Variants in FUT9 observed in about 807,000 individuals in gnomAD.
FUT9 encodes fucosyltransferase 9.
Under a neutral mutation model 29.7 loss-of-function variants are expected in FUT9, and 15 were observed. The observed-to-expected ratio is 0.51, with a 90% CI of 0.34 to 0.78. FUT9 has a LOEUF of 0.78. Among genes scored for constraint, FUT9 ranks in the 30% least tolerant of loss-of-function variants. The pLI is 0.01. For synonymous variants in FUT9, 169 were observed against 153.7 expected (o/e 1.10, Z -0.74); for missense variants, 319 against 425.4 (o/e 0.75, Z 2.20).
At chr6:96,074,021 C>A (rs1171376474) in intron 1 of FUT9, among the ~76,000 whole-genome samples, 6 of 152,060 alleles carry the variant, frequency 3.9e-5, no homozygotes, top group Admixed American at 3.3e-4. Context: ...TTAGGGCCTG[C>A]AATTAAAATA....
At chr6:96,132,508 C>T (rs189595968) in intron 2 of FUT9, among the ~76,000 whole-genome samples, 186 of 152,084 alleles carry the variant, frequency 1.2e-3, no homozygotes, top group Admixed American at 2.9e-3. Context: ...GTAGTAAGTA[C>T]ATAATATAGA....
At position 96,215,326 on chromosome 6, in the gene FUT9, A is replaced by C. The variant is rs2127994799; in HGVS notation, c.*11091A>C. 6.0e-6 allele frequency: 1 copy of C among 167,110 alleles called. No homozygotes were observed. Among genetic ancestry groups the C allele is most frequent in the African/African-American group, 2.4e-5 (1 of 41,568 alleles). The allele number at this position is 167,110 out of a possible 1,614,324, so 10.4% of individuals were successfully genotyped here. A position where few individuals can be genotyped will look rare whatever the true frequency, so the allele number is the denominator to read the frequency against. On this transcript the variant is annotated 3_prime_UTR_variant, in exon 3 of 3. Coordinates refer to ENST00000302103, the MANE Select transcript of FUT9 (RefSeq NM_006581.4). ...CATGGATGTCTTTCTAGGCTTATAA[A>C]TATATGGTGTGATTGCTATAATTTT...
chr6:96,146,806 C>G (rs564008167), intron 2 of FUT9, among the ~76,000 whole-genome samples: 1 of 152,148 alleles, frequency 6.6e-6, no homozygotes, highest in African/African-American at 2.4e-5. Context: ...CAGGAGCCAG[C>G]TGAATATGCT....
chr6:96,082,463 AT>A (rs1235330661), intron 1 of FUT9, among the ~76,000 whole-genome samples: 1 of 151,816 alleles, frequency 6.6e-6, no homozygotes, highest in Non-Finnish European at 1.5e-5. Flanking sequence ...GAGTGGGTCT[AT>A]TTTAAAACTA....
At chr6:96,141,936 C>G (rs1249436333) in intron 2 of FUT9, among the ~76,000 whole-genome samples, 1 of 152,184 alleles carries the variant, frequency 6.6e-6, no homozygotes, top group Non-Finnish European at 1.5e-5. Context: ...CTAATTTTAT[C>G]TCTTCTCCAT....
At chr6:96,093,612 A>G (rs1771449735) in intron 1 of FUT9, among the ~76,000 whole-genome samples, 1 of 152,152 alleles carries the variant, frequency 6.6e-6, no homozygotes, top group Non-Finnish European at 1.5e-5. Flanking sequence ...TATCCCTGCA[A>G]CAAAAATTAG....
intron 2 of FUT9, among the ~76,000 whole-genome samples, chr6:96,130,989 G>T (rs1772233303): frequency 1.3e-5 from 2 of 152,028 alleles, no homozygotes; most frequent in Non-Finnish European, 2.9e-5. Flanking sequence ...TTATAAGACG[G>T]GGTTAATAAT....
chr6:96,197,445 A>AG (rs34884902), intron 2 of FUT9, among the ~76,000 whole-genome samples: 138,829 of 152,118 alleles, frequency 0.91, 64,701 homozygotes, highest in Non-Finnish European at 1. Context: ...TCATGCCAAA[A>AG]GTAAATGGCA....
chr6:96,092,909 T>A lies in FUT9; in HGVS notation c.-97-21130T>A, dbSNP rs115792479. Among the ~76,000 whole-genome samples the A allele has an allele frequency of 4.9e-3, 741 of 152,096 alleles. 4 individuals are homozygous for A. The highest frequency in any genetic ancestry group is 0.017 in the African/African-American group (689 of 41,506). On this transcript the variant is annotated intron_variant, in intron 1 of 2. Transcript: ENST00000302103. ...CTGAGTAGTTAGGACTTCAGGTGCA[T>A]GCCACCATGCCTGGCTAATTAAAAA...
chr6:96,064,790 C>G (rs756993624), intron 1 of FUT9, among the ~76,000 whole-genome samples: 21 of 152,008 alleles, frequency 1.4e-4, no homozygotes, highest in Non-Finnish European at 2.6e-4. Flanking sequence ...CATACACACA[C>G]CATTCAATTT....
intron 2 of FUT9, among the ~76,000 whole-genome samples, chr6:96,177,955 C>G (rs887686316): frequency 1.3e-5 from 2 of 152,112 alleles, no homozygotes; most frequent in Middle Eastern, 3.2e-3. Flanking sequence ...AGAGCAGAAG[C>G]AGTCTTTGAT....
intron 2 of FUT9, among the ~76,000 whole-genome samples, chr6:96,184,395 G>T (rs1350958418): frequency 2.6e-5 from 4 of 151,818 alleles, no homozygotes; most frequent in African/African-American, 9.7e-5. Flanking sequence ...CAAAGAACCA[G>T]TTTTTTGTTT....
chr6:96,019,087 C>T (rs1770027375), intron 1 of FUT9, among the ~76,000 whole-genome samples: 1 of 151,816 alleles, frequency 6.6e-6, no homozygotes, highest in African/African-American at 2.4e-5. Flanking sequence ...GCCTTTTATT[C>T]CTTTTATTTA....
intron 2 of FUT9, among the ~76,000 whole-genome samples, chr6:96,160,865 CAAT>C (rs1772886990): frequency 6.6e-6 from 1 of 152,012 alleles, no homozygotes; most frequent in Non-Finnish European, 1.5e-5. Flanking sequence ...GTAGAAATAA[CAAT>C]AATGAGAAGG....
chr6:96,038,792 G>C (rs1191198723), intron 1 of FUT9, among the ~76,000 whole-genome samples: 1 of 151,938 alleles, frequency 6.6e-6, no homozygotes, highest in African/African-American at 2.4e-5. Context: ...TTTTTCACTG[G>C]TCCCCAGTTT....
At chr6:96,105,801 C>T (rs1238979175) in intron 1 of FUT9, among the ~76,000 whole-genome samples, 2 of 152,112 alleles carry the variant, frequency 1.3e-5, no homozygotes, top group Non-Finnish European at 2.9e-5. Flanking sequence ...CAACAAATTC[C>T]TCTAAAAATT....
intron 1 of FUT9, among the ~76,000 whole-genome samples, chr6:96,027,223 G>T (rs12524986): frequency 0.14 from 21,682 of 151,492 alleles, 1,960 homozygotes; most frequent in Admixed American, 0.26. Flanking sequence ...ATTGAAGAGA[G>T]CCTCACAAAA....
chr6:96,173,077 A>T (rs1192683449), intron 2 of FUT9, among the ~76,000 whole-genome samples: 1 of 152,140 alleles, frequency 6.6e-6, no homozygotes, highest in African/African-American at 2.4e-5. Flanking sequence ...GGAATAGTAC[A>T]TGAGTAATTA....
intron 2 of FUT9, among the ~76,000 whole-genome samples, chr6:96,189,823 G>A (rs9322727): frequency 0.17 from 25,736 of 151,976 alleles, 2,506 homozygotes; most frequent in East Asian, 0.24. Flanking sequence ...ATGGGGCTCC[G>A]GAATACAGCA....
Sources: allele counts gnomAD v4.1 joint callset (sites outside exome capture counted in the v4.1 genomes callset), GRCh38; gene constraint gnomAD v4.1.1; transcripts MANE v1.5; gene names NCBI Gene and HGNC (gene_info 2026-07-23, HGNC 2026-07-21).